CCSER1: variants seen among roughly 807,000 people sequenced by gnomAD.
CCSER1 encodes coiled-coil serine rich protein 1, also known as serine-rich coiled-coil domain-containing protein 1.
Under a neutral mutation model 82.0 loss-of-function variants are expected in CCSER1, and 41 were observed. That is an observed-to-expected ratio of 0.50 (90% CI 0.39 to 0.65). The LOEUF (loss-of-function observed/expected upper bound fraction) is 0.65. Ranked by LOEUF, CCSER1 falls within the 30% of genes least tolerant of loss-of-function variation. CCSER1 has a pLI of 0.00. For synonymous variants in CCSER1, 414 were observed against 383.9 expected (o/e 1.08, Z -0.92); for missense variants, 1,119 against 1,064.2 (o/e 1.05, Z -0.72).
At chr4:91,262,387 A>G (rs1741260545) in intron 10 of CCSER1, among the ~76,000 whole-genome samples, 1 of 152,076 alleles carries the variant, frequency 6.6e-6, no homozygotes, top group African/African-American at 2.4e-5. Flanking sequence ...GGTACCTCAT[A>G]GGCACTCAAG....
At chr4:91,379,680 G>T (rs1750719893) in intron 10 of CCSER1, among the ~76,000 whole-genome samples, 1 of 151,880 alleles carries the variant, frequency 6.6e-6, no homozygotes, top group Non-Finnish European at 1.5e-5. Flanking sequence ...CATTTTTGTT[G>T]ATCTTTTCAA....
intron 10 of CCSER1, among the ~76,000 whole-genome samples, chr4:91,275,897 C>T (rs1260618912): frequency 6.6e-6 from 1 of 152,134 alleles, no homozygotes; most frequent in Non-Finnish European, 1.5e-5. Flanking sequence ...ATTTACCCAG[C>T]ACCATTTATT....
At chr4:90,917,837 T>C (rs534266267) in intron 8 of CCSER1, among the ~76,000 whole-genome samples, 1 of 152,230 alleles carries the variant, frequency 6.6e-6, no homozygotes, top group African/African-American at 2.4e-5. Flanking sequence ...GCTGTGAATT[T>C]TCTCATGTTG....
chr4:90,666,123 C>G lies in CCSER1; in HGVS notation c.1932+37891C>G, dbSNP rs991919146. ...CCTATCATATCTGCCTGACATCCCC[C>G]CTCTGCCACATCACTTCTGACTCTC... On this transcript the variant is annotated intron_variant, in intron 6 of 10. Transcript: ENST00000509176. Among the ~76,000 whole-genome samples the G allele has an allele frequency of 3.3e-5, 5 of 152,030 alleles. No individual in the cohort carries two copies. The East Asian group carries it at 5.8e-4, about 18-fold the overall frequency.
At chr4:90,430,384 T>A (rs749658753) in intron 4 of CCSER1, among the ~76,000 whole-genome samples, 1 of 151,922 alleles carries the variant, frequency 6.6e-6, no homozygotes. Flanking sequence ...GAGATTTCAG[T>A]CTTTGTAAAT....
chr4:90,860,108 AAG>A (rs1261839872), intron 8 of CCSER1, among the ~76,000 whole-genome samples: 1 of 151,704 alleles, frequency 6.6e-6, no homozygotes, highest in African/African-American at 2.4e-5. Flanking sequence ...TGTATCTGAT[AAG>A]AGACTTATAT....
intron 10 of CCSER1, among the ~76,000 whole-genome samples, chr4:91,163,997 G>C (rs28885725): frequency 0.011 from 1,665 of 152,188 alleles, 38 homozygotes; most frequent in African/African-American, 0.036. Flanking sequence ...TATTTTGCTC[G>C]TTAGTTGATG....
At chr4:90,525,782 G>A (rs1165966724) in intron 5 of CCSER1, among the ~76,000 whole-genome samples, 1 of 151,996 alleles carries the variant, frequency 6.6e-6, no homozygotes, top group Non-Finnish European at 1.5e-5. Context: ...GGGATCACAG[G>A]CACACTCCAC....
chr4:90,691,696 CACATAT>C lies in CCSER1; in HGVS notation c.1933-32216_1933-32211del, dbSNP rs1735998921. 4.3e-5 allele frequency among the ~76,000 whole-genome samples: 6 copies of C among 138,774 alleles called. No homozygotes were observed. The South Asian group carries it at 1.4e-3, about 32-fold the overall frequency. The allele number at this position is 138,774 out of a possible 152,430, so 91.0% of individuals were successfully genotyped here. A position where few individuals can be genotyped will look rare whatever the true frequency, so the allele number is the denominator to read the frequency against. The stretch of plus-strand genomic sequence containing the variant: ...GTGTATCTATGTGTATATATATACA[CACATAT>C]ATGTTATTTTATTTTACATTCAGGA... On this transcript the variant is annotated intron_variant, in intron 6 of 10. Coordinates refer to ENST00000509176, the MANE Select transcript of CCSER1 (RefSeq NM_001145065.2).
At position 90,811,995 on chromosome 4, in the gene CCSER1, C is replaced by CACACACACACATATATATATATATAT. The variant is rs367800484; in HGVS notation, c.2011-3766_2011-3765insCACACACACATATATATATATATATA. ...ATATATATATATATATATATAAACA[C>CACACACACACATATATATATATATAT]ATATATATATATGAGTTTATTAAGT... On this transcript the variant is annotated intron_variant, in intron 7 of 10. Transcript: ENST00000509176. 6.4e-3 allele frequency among the ~76,000 whole-genome samples: 906 copies of CACACACACACATATATATATATATAT among 142,662 alleles called. 9 individuals carry two copies. The highest frequency in any genetic ancestry group is 0.019 in the East Asian group (89 of 4,740). 93.6% of individuals were successfully genotyped at this position (142,662 alleles called of 152,430 possible).
chr4:91,079,886 A>T (rs1722500592), intron 9 of CCSER1, among the ~76,000 whole-genome samples: 1 of 152,198 alleles, frequency 6.6e-6, no homozygotes, highest in Non-Finnish European at 1.5e-5. Context: ...ATTTATAGGC[A>T]CCCAATACAG....
intron 6 of CCSER1, among the ~76,000 whole-genome samples, chr4:90,700,328 T>G (rs890311586): frequency 6.6e-6 from 1 of 152,210 alleles, no homozygotes; most frequent in Non-Finnish European, 1.5e-5. Context: ...TCATCCTTTT[T>G]TATGGCTGCA....
intron 10 of CCSER1, among the ~76,000 whole-genome samples, chr4:91,286,030 CAA>C (rs1019369246): frequency 2.0e-5 from 3 of 150,886 alleles, no homozygotes; most frequent in African/African-American, 7.3e-5. Flanking sequence ...CCTGAAGTTA[CAA>C]TTAAAGTTTA....
At chr4:90,335,284 G>A (rs1036114570) in intron 3 of CCSER1, among the ~76,000 whole-genome samples, 14 of 152,160 alleles carry the variant, frequency 9.2e-5, no homozygotes, top group African/African-American at 3.4e-4. Flanking sequence ...GAAAATAAAA[G>A]TGCCACACTT....
intron 10 of CCSER1, among the ~76,000 whole-genome samples, chr4:91,298,198 G>T (rs976868747): frequency 4.6e-5 from 7 of 151,972 alleles, no homozygotes; most frequent in Non-Finnish European, 5.9e-5. Context: ...AGATTTCCGT[G>T]CAAGTATTAG....
chr4:90,263,068 G>T (rs1724621069), intron 1 of CCSER1, among the ~76,000 whole-genome samples: 1 of 152,202 alleles, frequency 6.6e-6, no homozygotes, highest in African/African-American at 2.4e-5. Context: ...GACTGTTGGG[G>T]TAGAGGTGCA....
chr4:91,225,198 AAT>A (rs981115635), intron 10 of CCSER1, among the ~76,000 whole-genome samples: 55 of 142,538 alleles, frequency 3.9e-4, no homozygotes, highest in Non-Finnish European at 7.8e-4. Flanking sequence ...AATTATATAT[AAT>A]ATATATAATA....
chr4:91,306,855 C>T (rs1188767039), intron 10 of CCSER1, among the ~76,000 whole-genome samples: 3 of 151,882 alleles, frequency 2.0e-5, no homozygotes, highest in Admixed American at 6.6e-5. Flanking sequence ...TTAGGCAAGT[C>T]ATTTTATTCC....
intron 6 of CCSER1, among the ~76,000 whole-genome samples, chr4:90,707,289 A>C (rs1739539220): frequency 6.6e-6 from 1 of 151,578 alleles, no homozygotes; most frequent in Non-Finnish European, 1.5e-5. Flanking sequence ...CCGCCAGTGT[A>C]GTCATTCACA....
Sources: gnomAD v4.1 joint callset for allele counts (sites outside exome capture counted in the v4.1 genomes callset) on GRCh38, gnomAD v4.1.1 for gene constraint, MANE v1.5 for transcripts, NCBI Gene and HGNC (gene_info 2026-07-23, HGNC 2026-07-21) for gene names.